Variants in TAFA2 observed in about 807,000 individuals in gnomAD.
TAFA2 encodes chemokine-like protein TAFA-2.
Under a neutral mutation model 18.8 loss-of-function variants are expected in TAFA2, and 7 were observed. The ratio of observed to expected loss-of-function variants is 0.37; its 90% CI spans 0.21 to 0.70. The LOEUF (loss-of-function observed/expected upper bound fraction) is 0.70. Among genes scored for constraint, TAFA2 ranks in the 30% least tolerant of loss-of-function variants. The pLI is 0.53. For missense variants in TAFA2, 122 were observed against 158.1 expected, an observed-to-expected ratio of 0.77 and a Z score of 1.23; for synonymous variants, 60 against 54.2, an observed-to-expected ratio of 1.11 and a Z score of -0.47.
At chr12:62,087,410 G>A (rs1403502913) in intron 1 of TAFA2, among the ~76,000 whole-genome samples, 1 of 152,042 alleles carries the variant, frequency 6.6e-6, no homozygotes, top group Admixed American at 6.6e-5. Context: ...GAAGAAGCCC[G>A]AAAACTACAT....
intron 1 of TAFA2, among the ~76,000 whole-genome samples, chr12:62,062,585 C>T (rs1452204730): frequency 1.3e-5 from 2 of 152,136 alleles, no homozygotes; most frequent in Non-Finnish European, 2.9e-5. Context: ...CGTTAACACA[C>T]CTGTATCCAT....
At chr12:62,047,264 C>T (rs1029001042) in intron 1 of TAFA2, among the ~76,000 whole-genome samples, 2 of 152,120 alleles carry the variant, frequency 1.3e-5, no homozygotes, top group Non-Finnish European at 2.9e-5. Context: ...AAGGCTAGGT[C>T]GCAGAAAGCC....
chr12:61,850,970 T>C (rs1331004692), intron 2 of TAFA2, among the ~76,000 whole-genome samples: 9 of 152,202 alleles, frequency 5.9e-5, no homozygotes, highest in Non-Finnish European at 1.3e-4. Context: ...AATTCTTCTG[T>C]AACTTCTATT....
At chr12:61,953,367 G>C (rs1380227447) in intron 1 of TAFA2, among the ~76,000 whole-genome samples, 1 of 152,102 alleles carries the variant, frequency 6.6e-6, no homozygotes, top group East Asian at 1.9e-4. Context: ...CAAAATAGGT[G>C]CAAGTAAATA....
intron 1 of TAFA2, among the ~76,000 whole-genome samples, chr12:61,910,376 A>G (rs1876558024): frequency 6.6e-6 from 1 of 152,160 alleles, no homozygotes; most frequent in African/African-American, 2.4e-5. Context: ...AACTGATGGA[A>G]TGAGACACTC....
At chr12:61,772,522 G>A (rs907633203) in intron 2 of TAFA2, among the ~76,000 whole-genome samples, 18 of 152,062 alleles carry the variant, frequency 1.2e-4, no homozygotes, top group African/African-American at 4.3e-4. Flanking sequence ...CCATGATCAA[G>A]TGGGTTTCAT....
chr12:62,235,360 G>A (rs1442950900), intron 1 of TAFA2: 3 of 651,432 alleles, frequency 4.6e-6, no homozygotes, highest in Non-Finnish European at 5.6e-6. Context: ...GGTAGGCCAT[G>A]GTTCCAAGAG....
At chr12:62,075,850 T>C (rs1868247117) in intron 1 of TAFA2, among the ~76,000 whole-genome samples, 1 of 152,256 alleles carries the variant, frequency 6.6e-6, no homozygotes, top group South Asian at 2.1e-4. Flanking sequence ...TTGTTAGTGA[T>C]AACTAACTTC....
At chr12:61,857,870 C>T (rs190723147) in intron 2 of TAFA2, among the ~76,000 whole-genome samples, 3 of 152,174 alleles carry the variant, frequency 2.0e-5, no homozygotes, top group East Asian at 3.9e-4. Flanking sequence ...ATGGCACTTT[C>T]GTTAAGAAAG....
chr12:61,940,867 T>A (rs574997412), intron 1 of TAFA2, among the ~76,000 whole-genome samples: 2 of 152,232 alleles, frequency 1.3e-5, no homozygotes, highest in Admixed American at 1.3e-4. Context: ...TTTGGCTGCA[T>A]TGAGGGAAAC....
At position 62,129,661 on chromosome 12, in the gene TAFA2, C is replaced by T. The variant is rs564924090; in HGVS notation, c.-2+61598G>A. Among the ~76,000 whole-genome samples the T allele has an allele frequency of 2.0e-5, 3 of 152,126 alleles. No homozygotes were observed. In the East Asian group the frequency reaches 5.8e-4, roughly 29 times the overall value. On this transcript the variant is annotated intron_variant, in intron 1 of 4. Transcript: ENST00000416284. ...AAATGTTAAGTGCAGGGTAGGGTCT[C>T]TCAAATTCAGAACTACTGACATTTT...
At chr12:61,807,343 C>A (rs10784263) in intron 2 of TAFA2, among the ~76,000 whole-genome samples, 134,479 of 151,192 alleles carry the variant, frequency 0.89, 60,077 homozygotes, top group East Asian at 0.98. Flanking sequence ...AATGCACAGA[C>A]GTCAAGAATT....
chr12:61,884,093 G>A (rs963599209), intron 1 of TAFA2, among the ~76,000 whole-genome samples: 1 of 152,148 alleles, frequency 6.6e-6, no homozygotes, highest in South Asian at 2.1e-4. Context: ...AGCCAAAAGA[G>A]CAGGCTGGGG....
rs980019443 is a variant in TAFA2 at position 61,874,446 on chromosome 12, T to C, written c.-1-7020A>G. Reference sequence around the variant, plus strand: ...GAAAGCTGCATTGGTTTCTAAGGATTTTCTGGCAACAAACACAAGCCTCAT... The same window carrying C: ...GAAAGCTGCATTGGTTTCTAAGGATCTTCTGGCAACAAACACAAGCCTCAT... On this transcript the variant is annotated intron_variant, in intron 1 of 4. Transcript: ENST00000416284. Among the ~76,000 whole-genome samples, 3 of 152,128 alleles carry C rather than the reference T, an allele frequency of 2.0e-5. 1 individual carries two copies. The highest frequency in any genetic ancestry group is 2.0e-4 in the Admixed American group (3 of 15,262).
chr12:61,931,274 C>A (rs183120403), intron 1 of TAFA2, among the ~76,000 whole-genome samples: 7 of 152,262 alleles, frequency 4.6e-5, no homozygotes, highest in African/African-American at 1.4e-4. Context: ...AAAAATTAAA[C>A]CTCATGCTGT....
Position 62,192,708 on chromosome 12 carries a change from G to A in TAFA2, c.-1451C>T, listed in dbSNP as rs2062631924. ...GTTAAGCAGTAAAATGGAATGGCAG[G>A]GCCGGGCGGCGTTGCCTCGCCTCTC... On this transcript the variant is annotated 5_prime_UTR_variant, in exon 1 of 5. Transcript: ENST00000416284. 6.6e-6 allele frequency: 1 copy of A among 152,222 alleles called. No homozygotes were observed. Among genetic ancestry groups the A allele is most frequent in the Non-Finnish European group, 1.5e-5 (1 of 68,078 alleles). The allele number at this position is 152,222 out of a possible 1,614,324, so 9.4% of individuals were successfully genotyped here. A position where few individuals can be genotyped will look rare whatever the true frequency, so the allele number is the denominator to read the frequency against.
intron 1 of TAFA2, among the ~76,000 whole-genome samples, chr12:61,980,069 T>C (rs1415751863): frequency 6.6e-6 from 1 of 152,152 alleles, no homozygotes; most frequent in Non-Finnish European, 1.5e-5. Flanking sequence ...ATATATTTTA[T>C]GTTTATGAAC....
chr12:62,069,052 C>T (rs900390035), intron 1 of TAFA2, among the ~76,000 whole-genome samples: 1 of 152,158 alleles, frequency 6.6e-6, no homozygotes, highest in Non-Finnish European at 1.5e-5. Flanking sequence ...TTGAAAACCT[C>T]AATCACAAAA....
At chr12:62,090,500 T>C (rs1868664419) in intron 1 of TAFA2, among the ~76,000 whole-genome samples, 1 of 152,062 alleles carries the variant, frequency 6.6e-6, no homozygotes, top group Non-Finnish European at 1.5e-5. Context: ...CTTTGAGTAG[T>C]CTGCTGATTT....
Sources: allele counts gnomAD v4.1 joint callset (sites outside exome capture counted in the v4.1 genomes callset), GRCh38; gene constraint gnomAD v4.1.1; transcripts MANE v1.5; gene names NCBI Gene and HGNC (gene_info 2026-07-23, HGNC 2026-07-21).